Variants in SORCS2 observed in about 807,000 individuals in gnomAD.
SORCS2 encodes sortilin related VPS10 domain containing receptor 2.
SORCS2 carries 100 observed loss-of-function variants against 141.6 expected under a neutral mutation model. The ratio of observed to expected loss-of-function variants is 0.71; its 90% CI spans 0.60 to 0.83. SORCS2 has a LOEUF of 0.83. Ranked by LOEUF, SORCS2 falls within the 40% of genes least tolerant of loss-of-function variation. SORCS2 has a pLI of 0.00. For missense variants in SORCS2, 1,646 were observed against 1,560.2 expected (o/e 1.05, Z -0.93); for synonymous variants, 789 against 676.9 (o/e 1.17, Z -2.57).
Position 7,539,939 on chromosome 4 carries a change from A to AGGTCTCACCCCCTCCCTGCTGTGAT in SORCS2, c.648+8313_648+8337dup, listed in dbSNP as rs1245826992. 6.8e-4 allele frequency among the ~76,000 whole-genome samples: 92 copies of AGGTCTCACCCCCTCCCTGCTGTGAT among 135,068 alleles called. 2 individuals carry two copies. Among genetic ancestry groups the AGGTCTCACCCCCTCCCTGCTGTGAT allele is most frequent in the African/African-American group, 2.6e-3 (88 of 34,438 alleles). The allele number at this position is 135,068 out of a possible 152,430, so 88.6% of individuals were successfully genotyped here. The stretch of plus-strand genomic sequence containing the variant: ...AGGCCCCACCCCCTTCCTGCTGTGA[A>AGGTCTCACCCCCTCCCTGCTGTGAT]GGTCTCACCCCCTCCCTGCTGTGAT... On this transcript the variant is annotated intron_variant, in intron 3 of 26. Transcript: ENST00000507866.
chr4:7,317,105 G>A (rs1443097916), intron 1 of SORCS2, among the ~76,000 whole-genome samples: 3 of 152,164 alleles, frequency 2.0e-5, no homozygotes, highest in Non-Finnish European at 2.9e-5. Flanking sequence ...GTCCAGAAGC[G>A]TCAATGTGTG....
chr4:7,365,238 G>T (rs1383147727), intron 1 of SORCS2, among the ~76,000 whole-genome samples: 1 of 152,240 alleles, frequency 6.6e-6, no homozygotes, highest in East Asian at 1.9e-4. Flanking sequence ...CTGCAGCATG[G>T]AGGATGGAGG....
chr4:7,274,698 T>TG (rs1715369674), intron 1 of SORCS2, among the ~76,000 whole-genome samples: 1 of 152,136 alleles, frequency 6.6e-6, no homozygotes, highest in Non-Finnish European at 1.5e-5. Flanking sequence ...GAGATTTGGG[T>TG]GGGGACACAG....
intron 1 of SORCS2, among the ~76,000 whole-genome samples, chr4:7,273,964 T>A (rs1314157753): frequency 6.6e-6 from 1 of 152,198 alleles, no homozygotes; most frequent in Non-Finnish European, 1.5e-5. Flanking sequence ...CCTCCGCACA[T>A]CCCTCACAGG....
intron 2 of SORCS2, among the ~76,000 whole-genome samples, chr4:7,531,109 G>A (rs960634296): frequency 9.9e-5 from 15 of 152,198 alleles, no homozygotes; most frequent in African/African-American, 3.6e-4. Context: ...AATCAGACGG[G>A]CCAGTCAAAT....
intron 2 of SORCS2, among the ~76,000 whole-genome samples, chr4:7,477,461 GC>G (rs1345854550): frequency 6.7e-6 from 1 of 148,614 alleles, no homozygotes; most frequent in African/African-American, 2.5e-5. Context: ...CTGACCAAGG[GC>G]AAGGGCCTCC....
chr4:7,575,259 C>T (rs1418741203), intron 3 of SORCS2, among the ~76,000 whole-genome samples: 2 of 152,272 alleles, frequency 1.3e-5, no homozygotes, highest in South Asian at 2.1e-4. Context: ...GTTCATTAAC[C>T]CTATTCAAAA....
At position 7,193,148 on chromosome 4, in the gene SORCS2, G is replaced by A. The variant is rs75820569; in HGVS notation, c.480+22G>A. On this transcript the variant is annotated intron_variant, in intron 1 of 26. Transcript: ENST00000507866. This position sits in a 1 kb window ranked among gnomAD's most constrained non-coding sequence, Gnocchi z 4.8. ...CAGCGTAAGTGACCTCCACGCGCTC[G>A]CCGCGGCCCCTACCCGGGACACCGC... is the stretch of plus-strand genomic sequence containing the variant. 0.016 allele frequency: 24,169 copies of A among 1,495,540 alleles called. 220 individuals carry two copies. Among genetic ancestry groups the A allele is most frequent in the South Asian group, 0.024 (1,867 of 77,718 alleles). The allele number at this position is 1,495,540 out of a possible 1,614,324, so 92.6% of individuals were successfully genotyped here.
At chr4:7,577,726 G>A (rs1020735242) in intron 3 of SORCS2, among the ~76,000 whole-genome samples, 31 of 149,464 alleles carry the variant, frequency 2.1e-4, no homozygotes, top group Admixed American at 1.7e-3. Context: ...GCATACAGGC[G>A]AAGTCAGCTA....
intron 10 of SORCS2, among the ~76,000 whole-genome samples, chr4:7,685,675 A>G (rs564112293): frequency 1.1e-4 from 15 of 134,788 alleles, no homozygotes; most frequent in African/African-American, 4.1e-4. Context: ...CACCTCAAAA[A>G]TTAAAATAAA....
chr4:7,474,198 GATGAATTAATGA>G (rs1730150649), intron 2 of SORCS2, among the ~76,000 whole-genome samples: 1 of 152,218 alleles, frequency 6.6e-6, no homozygotes, highest in Non-Finnish European at 1.5e-5. Context: ...TGAGTGGATG[GATGAATTAATGA>G]ATGAATGTGG....
chr4:7,317,404 A>C (rs1290664564), intron 1 of SORCS2, among the ~76,000 whole-genome samples: 1 of 152,238 alleles, frequency 6.6e-6, no homozygotes, highest in African/African-American at 2.4e-5. Flanking sequence ...CTCAGTGCAG[A>C]CATGGGTCTT....
chr4:7,655,643 C>T (rs866711661), intron 5 of SORCS2, among the ~76,000 whole-genome samples: 5 of 152,216 alleles, frequency 3.3e-5, no homozygotes, highest in African/African-American at 1.2e-4. Flanking sequence ...GGATTGCCCA[C>T]GGGAGGGCCC....
chr4:7,302,239 CCAGGTGCAGA>C (rs1292665156), intron 1 of SORCS2, among the ~76,000 whole-genome samples: 2 of 152,226 alleles, frequency 1.3e-5, no homozygotes, highest in Non-Finnish European at 2.9e-5. Flanking sequence ...TGCAGGGATG[CCAGGTGCAGA>C]CAGGAGTCAG....
intron 9 of SORCS2, among the ~76,000 whole-genome samples, chr4:7,679,192 C>G (rs532578558): frequency 3.9e-5 from 6 of 152,230 alleles, no homozygotes; most frequent in African/African-American, 1.4e-4. Flanking sequence ...AGGGGTCTCT[C>G]CCCCAGCAGG....
Position 7,366,980 on chromosome 4 carries a change from T to C in SORCS2, c.481-29308T>C, listed in dbSNP as rs147995452. On this transcript the variant is annotated intron_variant, in intron 1 of 26. Transcript: ENST00000507866. ...GGACTTAAATTCAGAGGAGCAATCTTATCAGATGGATATAGGCTAGTGCAG... is the reference window on the plus strand; with the variant it reads ...GGACTTAAATTCAGAGGAGCAATCTCATCAGATGGATATAGGCTAGTGCAG... Among the ~76,000 whole-genome samples, 86 of 152,324 alleles carry C rather than the reference T, an allele frequency of 5.6e-4. No individual in the cohort carries two copies. The East Asian group carries it at 0.012, about 21-fold the overall frequency.
intron 1 of SORCS2, among the ~76,000 whole-genome samples, chr4:7,385,152 G>A (rs1659071849): frequency 6.6e-6 from 1 of 152,152 alleles, no homozygotes; most frequent in South Asian, 2.1e-4. Flanking sequence ...GTGGGCAGCG[G>A]CATTGGCAGC....
rs116612718 is a variant in SORCS2 at position 7,715,465 on chromosome 4, C to T, written c.2252+154C>T. Reference sequence around the variant, plus strand: ...CAAAGTTGAGGATGCCCCACGCTCACAGCACAGAGCCTGGCTGCGGTGCTC... The same window carrying T: ...CAAAGTTGAGGATGCCCCACGCTCATAGCACAGAGCCTGGCTGCGGTGCTC... On this transcript the variant is annotated intron_variant, in intron 17 of 26. Transcript: ENST00000507866. 7.5e-3 allele frequency among the ~76,000 whole-genome samples: 1,138 copies of T among 152,314 alleles called. 11 individuals carry two copies. Among genetic ancestry groups the T allele is most frequent in the African/African-American group, 0.025 (1,041 of 41,568 alleles).
intron 1 of SORCS2, among the ~76,000 whole-genome samples, chr4:7,283,302 A>G (rs1716007162): frequency 6.6e-6 from 1 of 152,228 alleles, no homozygotes; most frequent in Non-Finnish European, 1.5e-5. Flanking sequence ...CGAGGAGAGA[A>G]TGACTTGAGG....
Sources: gnomAD v4.1 joint callset for allele counts (sites outside exome capture counted in the v4.1 genomes callset) on GRCh38, gnomAD v4.1.1 for gene constraint, Gnocchi (gnomAD v3.1) non-coding constraint, MANE v1.5 for transcripts, NCBI Gene and HGNC (gene_info 2026-07-23, HGNC 2026-07-21) for gene names.